Variants in KCNIP4 observed in about 807,000 individuals in gnomAD.
The protein encoded by KCNIP4 is Kv channel-interacting protein 4.
A neutral mutation model predicts 34.0 loss-of-function variants in KCNIP4; 12 were observed. The ratio of observed to expected loss-of-function variants is 0.35; its 90% confidence interval spans 0.23 to 0.57. KCNIP4 has a LOEUF of 0.57. Ranked by LOEUF, KCNIP4 falls within the 20% of genes least tolerant of loss-of-function variation. The pLI, the probability that KCNIP4 is intolerant of heterozygous loss-of-function variation, is 0.83. For missense variants in KCNIP4, 238 were observed against 311.7 expected, an observed-to-expected ratio of 0.76 and a Z score of 1.78; for synonymous variants, 124 against 102.2, an observed-to-expected ratio of 1.21 and a Z score of -1.29.
intron 1 of KCNIP4, among the ~76,000 whole-genome samples, chr4:21,079,126 C>T (rs1200638944): frequency 1.3e-5 from 2 of 152,046 alleles, no homozygotes; most frequent in African/African-American, 4.8e-5. Flanking sequence ...TTTCAGCTTT[C>T]TCAGTGTTGA....
At chr4:21,021,037 G>A (rs1164002326) in intron 1 of KCNIP4, among the ~76,000 whole-genome samples, 3 of 152,024 alleles carry the variant, frequency 2.0e-5, no homozygotes, top group Admixed American at 6.6e-5. Context: ...GTGTACTTCC[G>A]CAAACCTAGA....
At chr4:21,575,040 T>G (rs1195033187) in intron 1 of KCNIP4, among the ~76,000 whole-genome samples, 3 of 152,218 alleles carry the variant, frequency 2.0e-5, no homozygotes, top group Non-Finnish European at 2.9e-5. Context: ...TTTAAAAGTT[T>G]GTCAACATAT....
At chr4:21,558,613 A>G (rs78428833) in intron 1 of KCNIP4, among the ~76,000 whole-genome samples, 1 of 152,160 alleles carries the variant, frequency 6.6e-6, no homozygotes, top group African/African-American at 2.4e-5. Flanking sequence ...CTCATTAGAG[A>G]GTTCTGTCAT....
intron 1 of KCNIP4, among the ~76,000 whole-genome samples, chr4:21,853,550 C>T (rs977191447): frequency 2.0e-5 from 3 of 152,034 alleles, no homozygotes; most frequent in African/African-American, 7.3e-5. Flanking sequence ...TTCTGAGCAC[C>T]CTCATGACCC....
chr4:20,931,310 T>C (rs1730445407), intron 1 of KCNIP4, among the ~76,000 whole-genome samples: 2 of 152,040 alleles, frequency 1.3e-5, no homozygotes, highest in Admixed American at 1.3e-4. Flanking sequence ...TTATGCTAAA[T>C]GAAATAAGCC....
intron 1 of KCNIP4, among the ~76,000 whole-genome samples, chr4:21,540,209 T>C (rs1737564712): frequency 6.6e-6 from 1 of 152,196 alleles, no homozygotes; most frequent in African/African-American, 2.4e-5. Context: ...GTATGAATCC[T>C]AGAGCACATG....
At chr4:21,023,004 G>C (rs932025513) in intron 1 of KCNIP4, among the ~76,000 whole-genome samples, 2 of 152,012 alleles carry the variant, frequency 1.3e-5, no homozygotes, top group Non-Finnish European at 2.9e-5. Flanking sequence ...TGTATTTTTA[G>C]TAGAGACAGG....
intron 1 of KCNIP4, among the ~76,000 whole-genome samples, chr4:21,225,213 C>T (rs1758291825): frequency 6.6e-6 from 1 of 152,160 alleles, no homozygotes; most frequent in Non-Finnish European, 1.5e-5. Context: ...TGCCCTGATC[C>T]TTTATCCACC....
chr4:21,769,994 CTTAT>C (rs1718670087), intron 1 of KCNIP4, among the ~76,000 whole-genome samples: 1 of 142,444 alleles, frequency 7.0e-6, no homozygotes, highest in South Asian at 2.1e-4. Context: ...TTGTCTTTTT[CTTAT>C]TTATTTCTTC....
At chr4:20,883,797 T>C (rs551188171) in intron 1 of KCNIP4, among the ~76,000 whole-genome samples, 20 of 152,240 alleles carry the variant, frequency 1.3e-4, no homozygotes, top group Non-Finnish European at 2.9e-4. Context: ...ATCCACTGGC[T>C]AAAACTCATG....
Position 20,882,932 on chromosome 4 carries a change from A to G in KCNIP4, c.62-223T>C, listed in dbSNP as rs567268954. ...AATGTTGTTTTGAAGATAATGACGA[A>G]CAAGTGAAAGCAGAATCGTAAAATA... On this transcript the variant is annotated intron_variant, in intron 1 of 8. Coordinates refer to ENST00000382152, the MANE Select transcript of KCNIP4 (RefSeq NM_025221.6). 1.4e-4 allele frequency among the ~76,000 whole-genome samples: 21 copies of G among 152,182 alleles called. 1 individual carries two copies. In the South Asian group the frequency reaches 3.9e-3, roughly 29 times the overall value.
intron 1 of KCNIP4, among the ~76,000 whole-genome samples, chr4:20,960,734 T>G (rs1733768144): frequency 6.6e-6 from 1 of 152,170 alleles, no homozygotes; most frequent in Non-Finnish European, 1.5e-5. Context: ...GTGCTAGGAA[T>G]CCATTAGTGA....
At chr4:20,888,751 A>T (rs1560544800) in intron 1 of KCNIP4, among the ~76,000 whole-genome samples, 1 of 152,212 alleles carries the variant, frequency 6.6e-6, no homozygotes, top group East Asian at 1.9e-4. Flanking sequence ...AGTCAAAATA[A>T]TCCTAGTTTA....
chr4:21,866,762 ATTTTTTT>A (rs770568451), intron 1 of KCNIP4, among the ~76,000 whole-genome samples: 48 of 82,728 alleles, frequency 5.8e-4, no homozygotes, highest in African/African-American at 2.3e-3. Flanking sequence ...TTCAGCCTGG[ATTTTTTT>A]TTTTTTTTTT....
chr4:21,622,041 A>C (rs1473144244), intron 1 of KCNIP4, among the ~76,000 whole-genome samples: 7 of 152,180 alleles, frequency 4.6e-5, no homozygotes, highest in Non-Finnish European at 1.0e-4. Flanking sequence ...TTCAACTGTG[A>C]GTGCTGGAGA....
intron 1 of KCNIP4, chr4:21,464,571 T>A (rs1393501588): frequency 6.6e-6 from 1 of 152,166 alleles, no homozygotes; most frequent in African/African-American, 2.4e-5. Flanking sequence ...TATAATTTTT[T>A]AAAAATTTAT....
At chr4:21,271,869 C>T (rs2109136959) in intron 1 of KCNIP4, among the ~76,000 whole-genome samples, 1 of 152,258 alleles carries the variant, frequency 6.6e-6, no homozygotes, top group Non-Finnish European at 1.5e-5. Context: ...CATTACCAAT[C>T]AAGAAAGCTC....
chr4:20,988,537 T>C (rs1736797853), intron 1 of KCNIP4, among the ~76,000 whole-genome samples: 1 of 152,248 alleles, frequency 6.6e-6, no homozygotes, highest in South Asian at 2.1e-4. Context: ...ATATTCTTCA[T>C]ACTGTTTGTT....
intron 1 of KCNIP4, among the ~76,000 whole-genome samples, chr4:20,926,708 G>A (rs1171252458): frequency 6.6e-6 from 1 of 152,140 alleles, no homozygotes; most frequent in East Asian, 1.9e-4. Flanking sequence ...GGGCACTGGA[G>A]CTTTTTACAG....
Sources: allele counts gnomAD v4.1 joint callset (sites outside exome capture counted in the v4.1 genomes callset), GRCh38; gene constraint gnomAD v4.1.1; transcripts MANE v1.5; gene names NCBI Gene and HGNC (gene_info 2026-07-23, HGNC 2026-07-21).